Variants in SLC35D4 observed in about 807,000 individuals in gnomAD.
SLC35D4 encodes solute carrier family 35 member D4, also known as UDP-N-acetylglucosamine transporter SLC35D4.
At chr18:23,367,899 T>C in the SLC35D4 span, among the ~76,000 whole-genome samples, 1 of 151,870 alleles carries the variant, frequency 6.6e-6, no homozygotes, top group Non-Finnish European at 1.5e-5. Flanking sequence ...AAACCCCTTA[T>C]AGTTATAAGA....
chr18:23,282,374 C>T, the SLC35D4 span, among the ~76,000 whole-genome samples: 3 of 152,204 alleles, frequency 2.0e-5, no homozygotes, highest in Non-Finnish European at 4.4e-5. Context: ...GTTTTACTAA[C>T]GGTAAACCAC....
At chr18:23,410,457 A>G in the SLC35D4 span, among the ~76,000 whole-genome samples, 26 of 148,258 alleles carry the variant, frequency 1.8e-4, no homozygotes, top group Non-Finnish European at 3.3e-4. Context: ...CAGCCTGGGC[A>G]AAAGAGCGAG....
At chr18:23,370,778 T>C in the SLC35D4 span, among the ~76,000 whole-genome samples, 15 of 152,324 alleles carry the variant, frequency 9.8e-5, no homozygotes, top group African/African-American at 3.1e-4. Flanking sequence ...AACTTCTGGA[T>C]ATCTTCCCAC....
At chr18:23,298,935 T>A in the SLC35D4 span, among the ~76,000 whole-genome samples, 1 of 152,204 alleles carries the variant, frequency 6.6e-6, no homozygotes, top group East Asian at 1.9e-4. Context: ...CCACGGCGCC[T>A]TCGCACCTTG....
chr18:23,288,559 CG>C, the SLC35D4 span, among the ~76,000 whole-genome samples: 538 of 151,726 alleles, frequency 3.5e-3, 6 homozygotes, highest in African/African-American at 0.012. Context: ...TTTGCCCCCC[CG>C]CCCCAGGACT....
the SLC35D4 span, among the ~76,000 whole-genome samples, chr18:23,285,320 C>T: frequency 6.6e-6 from 1 of 151,970 alleles, no homozygotes; most frequent in African/African-American, 2.4e-5. Context: ...TTCCATTCCT[C>T]CTTCTTCTCC....
the SLC35D4 span, among the ~76,000 whole-genome samples, chr18:23,315,428 A>G: frequency 1.1e-4 from 17 of 152,308 alleles, no homozygotes; most frequent in South Asian, 2.1e-3. Context: ...ACCCCTTGCC[A>G]TCGCACATGC....
chr18:23,421,444 C>T, the SLC35D4 span: 3 of 1,614,012 alleles, frequency 1.9e-6, no homozygotes, highest in Non-Finnish European at 2.5e-6. Context: ...GCGTCTGCCA[C>T]CTGGAAAGGA....
chr18:23,312,955 G>A, the SLC35D4 span, among the ~76,000 whole-genome samples: 3 of 151,564 alleles, frequency 2.0e-5, no homozygotes, highest in Admixed American at 6.6e-5. Context: ...GTGAAACCCC[G>A]TCTCTACTAA....
the SLC35D4 span, among the ~76,000 whole-genome samples, chr18:23,311,108 T>C: frequency 1.3e-5 from 2 of 151,560 alleles, no homozygotes; most frequent in Non-Finnish European, 2.9e-5. Context: ...TCTTCCCTTT[T>C]TTTTTTTTTT....
chr18:23,256,206 T>G, the SLC35D4 span, among the ~76,000 whole-genome samples: 2 of 152,258 alleles, frequency 1.3e-5, no homozygotes, highest in Non-Finnish European at 2.9e-5. Flanking sequence ...CAAGGCAGAA[T>G]GTGCCTGAGC....
chr18:23,379,868 G>A, the SLC35D4 span, among the ~76,000 whole-genome samples: 1 of 152,028 alleles, frequency 6.6e-6, no homozygotes, highest in African/African-American at 2.4e-5. Context: ...GGCCGAGGAG[G>A]GCAGATCACT....
chr18:23,285,814 A>C, the SLC35D4 span, among the ~76,000 whole-genome samples: 1 of 152,020 alleles, frequency 6.6e-6, no homozygotes. Flanking sequence ...GTTTCATTCC[A>C]TGACTAGCCC....
the SLC35D4 span, among the ~76,000 whole-genome samples, chr18:23,371,926 G>GTTTTTTT: frequency 8.4e-4 from 10 of 11,864 alleles, 3 homozygotes; most frequent in African/African-American, 2.7e-3. Flanking sequence ...TTTCTTCCTT[G>GTTTTTTT]TTTTTTTTGT....
the SLC35D4 span, chr18:23,298,013 G>A: frequency 1.9e-6 from 3 of 1,613,250 alleles, no homozygotes; most frequent in Admixed American, 5.0e-5. Flanking sequence ...TTGTTCAGGA[G>A]CTCTTCCGCT....
chr18:23,368,416 C>T, the SLC35D4 span, among the ~76,000 whole-genome samples: 1 of 152,202 alleles, frequency 6.6e-6, no homozygotes, highest in African/African-American at 2.4e-5. Context: ...GATTCAAGGA[C>T]ACAATCTAGA....
At chr18:23,437,752 A>G in the SLC35D4 span, 1 of 1,603,872 alleles carries the variant, frequency 6.2e-7, no homozygotes, top group Admixed American at 1.7e-5. Flanking sequence ...CCCACGTGCA[A>G]TCGCTGCCTC....
At chr18:23,304,141 G>A in the SLC35D4 span, among the ~76,000 whole-genome samples, 1 of 151,010 alleles carries the variant, frequency 6.6e-6, no homozygotes. Context: ...GCCAGGCACG[G>A]TGGCGGGCAC....
the SLC35D4 span, among the ~76,000 whole-genome samples, chr18:23,356,365 G>A: frequency 1.3e-5 from 2 of 152,346 alleles, no homozygotes; most frequent in Non-Finnish European, 2.9e-5. The surrounding 1 kb of genome is among the most constrained non-coding windows in gnomAD (Gnocchi z 4.1). Flanking sequence ...CTGTCTTGGC[G>A]GAGGGACTTC....
Sources: allele counts gnomAD v4.1 joint callset (sites outside exome capture counted in the v4.1 genomes callset), GRCh38; gene constraint gnomAD v4.1.1; non-coding constraint Gnocchi (gnomAD v3.1); transcripts MANE v1.5; gene names NCBI Gene and HGNC (gene_info 2026-07-23, HGNC 2026-07-21).